DGKK: variants seen among roughly 807,000 people sequenced by gnomAD.
The protein encoded by DGKK is 142 kDa diacylglycerol kinase.
A neutral mutation model predicts 92.2 loss-of-function variants in DGKK; 35 were observed. The ratio of observed to expected loss-of-function variants is 0.38; its 90% CI spans 0.29 to 0.50. The LOEUF (loss-of-function observed/expected upper bound fraction) is 0.50, where lower values mean the gene tolerates loss of function less well. Ranked by LOEUF, DGKK falls within the 20% of genes least tolerant of loss-of-function variation. The pLI, the probability that DGKK is intolerant of heterozygous loss-of-function variation, is 0.92. For synonymous variants in DGKK, 368 were observed against 360.6 expected, an observed-to-expected ratio of 1.02 and a Z score of -0.23; for missense variants, 910 against 992.2, an observed-to-expected ratio of 0.92 and a Z score of 1.11.
At chrX:50,416,812 C>A (rs1925446179) in intron 4 of DGKK, among the ~76,000 whole-genome samples, 1 of 111,033 alleles carries the variant, frequency 9.0e-6, no homozygotes, top group African/African-American at 3.3e-5. Context: ...AGTCATTTTG[C>A]CACTTTGAAT....
At chrX:50,377,081 A>G (rs1557223941) in intron 22 of DGKK, among the ~76,000 whole-genome samples, 163 bp from the exon 23 acceptor site, 1 of 112,067 alleles carries the variant, frequency 8.9e-6, no homozygotes, top group Non-Finnish European at 1.9e-5. Context: ...ACCCATCTAT[A>G]TACCTATACA....
intron 9 of DGKK, 39 bp from the exon 10 acceptor site, chrX:50,392,488 A>G: frequency 9.0e-7 from 1 of 1,105,158 alleles, no homozygotes; most frequent in Non-Finnish European, 1.2e-6. Context: ...TTTCATGAAC[A>G]GCTGGGTTTT....
At chrX:50,405,682 G>A in intron 4 of DGKK, among the ~76,000 whole-genome samples, 1 of 111,508 alleles carries the variant, frequency 9.0e-6, no homozygotes, top group Admixed American at 9.5e-5. Context: ...TGGCATGCTG[G>A]TTACGTGCTA....
rs781853675 is a variant in DGKK, at chrX:50,403,576, C to A, written c.1100G>T (p.Arg367Ile). 3.3e-6 allele frequency: 4 copies of A among 1,208,927 alleles called. No individual in the cohort carries two copies. The Admixed American group carries it at 6.5e-5, about 20-fold the overall frequency. ...TTTGCTTGCTCTCAAAGCACACAAT[C>A]TGTGAGATTTCACTTTGCACACTGT... ...ICEVCKVKSH[R>I]LCALRASKDC... is the part of the protein sequence containing the mutation. The change falls in exon 6 of 28, where the codon AGA becomes ATA. Residue 367 changes from arginine to isoleucine, a missense_variant. Coordinates refer to ENST00000611977, the MANE Select transcript of DGKK (RefSeq NM_001013742.4).
In DGKK at chrX:50,384,201, T is replaced by G. The variant is rs782238611; in HGVS notation, c.2516A>C (p.Asn839Thr). ...AGGTGTAAAATGTAAGTGATCCAAGTTAAGGTTGTCCAGGTCCTCACTTTT... is the reference window on the plus strand; with the variant it reads ...AGGTGTAAAATGTAAGTGATCCAAGGTAAGGTTGTCCAGGTCCTCACTTTT... ...SLKSEDLDNL[N>T]LDHLHFTPES... The change falls in exon 17 of 28, where the codon AAC becomes ACC. Residue 839 changes from asparagine to threonine, a missense_variant. By Grantham distance (65) the Asn-to-Thr change is moderately conservative. Transcript: ENST00000611977. 12 of 1,182,656 alleles carry G rather than the reference T, an allele frequency of 1.0e-5. No individual in the cohort carries two copies. Among genetic ancestry groups the G allele is most frequent in the Middle Eastern group, 2.3e-4 (1 of 4,288 alleles).
intron 24 of DGKK, among the ~76,000 whole-genome samples, chrX:50,375,574 C>T (rs782483819): frequency 8.9e-6 from 1 of 111,743 alleles, no homozygotes; most frequent in Admixed American, 9.5e-5. Context: ...TGGCAGTGGA[C>T]AAAGCCATGG....
At chrX:50,383,952 A>G (rs1179798021) in intron 17 of DGKK, among the ~76,000 whole-genome samples, 1 of 112,470 alleles carries the variant, frequency 8.9e-6, no homozygotes, top group Non-Finnish European at 1.9e-5. Context: ...TACTTTTCAT[A>G]TATAAATGTA....
chrX:50,405,444 A>T (rs1354268959), intron 4 of DGKK, among the ~76,000 whole-genome samples: 2 of 111,047 alleles, frequency 1.8e-5, no homozygotes, highest in African/African-American at 6.6e-5. Context: ...CATTCTTGAC[A>T]TTATAATGAG....
intron 25 of DGKK, among the ~76,000 whole-genome samples, chrX:50,374,332 A>G (rs1443228821): frequency 5.4e-5 from 6 of 111,572 alleles, no homozygotes; most frequent in Non-Finnish European, 1.1e-4. Flanking sequence ...AGAACACCAA[A>G]GCTTGCCAGA....
intron 2 of DGKK, among the ~76,000 whole-genome samples, chrX:50,423,862 A>G (rs1158730618): frequency 1.8e-5 from 2 of 112,292 alleles, no homozygotes; most frequent in Non-Finnish European, 3.8e-5. Context: ...GCATTAGCAA[A>G]TAAAAACACC....
chrX:50,468,844 TTG>T (rs1312476210), intron 1 of DGKK, among the ~76,000 whole-genome samples: 1 of 102,634 alleles, frequency 9.7e-6, no homozygotes. Context: ...TGTTCGTGTG[TTG>T]TGTTATTCGT....
At chrX:50,381,454 C>G (rs1238298853) in intron 18 of DGKK, among the ~76,000 whole-genome samples, 2 of 111,107 alleles carry the variant, frequency 1.8e-5, no homozygotes, top group African/African-American at 3.3e-5. Context: ...GGCGACAGAA[C>G]AAGACTCCGT....
intron 1 of DGKK, among the ~76,000 whole-genome samples, chrX:50,436,482 A>G (rs183002742): frequency 8.9e-6 from 1 of 112,362 alleles, no homozygotes; most frequent in East Asian, 2.8e-4. Flanking sequence ...CACTGGTCTT[A>G]TTGGAAATTA....
At chrX:50,440,226 G>T (rs1926136329) in intron 1 of DGKK, among the ~76,000 whole-genome samples, 1 of 111,634 alleles carries the variant, frequency 9.0e-6, no homozygotes, top group African/African-American at 3.3e-5. Context: ...CCATTCACCT[G>T]GTGTCAATGT....
chrX:50,423,351 A>G (rs191905007), intron 2 of DGKK, among the ~76,000 whole-genome samples: 10 of 111,941 alleles, frequency 8.9e-5, no homozygotes, highest in African/African-American at 3.2e-4. Context: ...AGTGTGTTAC[A>G]TCTATAACTG....
intron 1 of DGKK, among the ~76,000 whole-genome samples, chrX:50,436,962 A>G (rs781961549): frequency 4.3e-4 from 48 of 111,998 alleles, no homozygotes; most frequent in Non-Finnish European, 4.7e-4. Context: ...CATCACTGGT[A>G]AAGAAGTATG....
intron 24 of DGKK, 43 bp downstream of exon 24, chrX:50,375,981 A>C: frequency 8.5e-7 from 1 of 1,180,887 alleles, no homozygotes; most frequent in Non-Finnish European, 1.1e-6. Flanking sequence ...CCTCTTTCCT[A>C]TCTGGTTTGA....
chrX:50,373,587 A>G (rs1924197270), intron 25 of DGKK, among the ~76,000 whole-genome samples: 2 of 112,571 alleles, frequency 1.8e-5, no homozygotes, highest in Non-Finnish European at 3.8e-5. Flanking sequence ...TGAGGCTCAA[A>G]GACTAGCTTG....
intron 1 of DGKK, among the ~76,000 whole-genome samples, chrX:50,450,762 C>G (rs1301528223): frequency 3.6e-5 from 4 of 111,691 alleles, no homozygotes; most frequent in Non-Finnish European, 7.5e-5. Context: ...ATACCTAAAT[C>G]TGTCTTCATT....
Sources: gnomAD v4.1 joint callset for allele counts (sites outside exome capture counted in the v4.1 genomes callset) on GRCh38, gnomAD v4.1.1 for gene constraint, MANE v1.5 for transcripts, NCBI Gene and HGNC (gene_info 2026-07-23, HGNC 2026-07-21) for gene names.